CPNE4: variants seen among roughly 807,000 people sequenced by gnomAD.
CPNE4 encodes copine-4.
A neutral mutation model predicts 67.9 loss-of-function variants in CPNE4; 25 were observed. The ratio of observed to expected loss-of-function variants is 0.37; its 90% CI spans 0.27 to 0.51. The LOEUF is 0.51. Ranked by LOEUF, CPNE4 falls within the 20% of genes least tolerant of loss-of-function variation. CPNE4 has a pLI of 0.93. For missense variants in CPNE4, 464 were observed against 690.8 expected (o/e 0.67, Z 3.68); for synonymous variants, 242 against 244.9 (o/e 0.99, Z 0.11).
At chr3:132,009,863 A>C (rs1341967772) in intron 1 of CPNE4, among the ~76,000 whole-genome samples, 1 of 152,206 alleles carries the variant, frequency 6.6e-6, no homozygotes, top group African/African-American at 2.4e-5. Context: ...TATTAGGACC[A>C]AGTAAGTAAA....
chr3:131,674,403 A>G (rs186118249), intron 6 of CPNE4, among the ~76,000 whole-genome samples: 46 of 152,046 alleles, frequency 3.0e-4, no homozygotes, highest in Middle Eastern at 6.8e-3. Context: ...TCTTTTTAAA[A>G]TTCTACCAAT....
intron 14 of CPNE4, among the ~76,000 whole-genome samples, chr3:131,547,474 AAAAAAAAAAAAAAAAAAAAAAAAAAAAC>A (rs1197349355): frequency 4.8e-5 from 6 of 124,092 alleles, no homozygotes; most frequent in South Asian, 2.4e-4. Context: ...AAAAAAAAAA[AAAAAAAAAAAAAAAAAAAAAAAAAAAAC>A]CTAATAGTGT....
At chr3:131,671,459 A>ATGTATGTGTGTG (rs1491205483) in intron 6 of CPNE4, among the ~76,000 whole-genome samples, 63 of 131,362 alleles carry the variant, frequency 4.8e-4, no homozygotes, top group African/African-American at 1.6e-3. Flanking sequence ...GAGTGTACAC[A>ATGTATGTGTGTG]TGTGTGTGTG....
Position 131,575,136 on chromosome 3 carries a change from T to C in CPNE4, c.868-6A>G. ...AAAGAATGCATCTTGTGAATCTGCA[T>C]AGGAGGGGAGAGGAAACTGGGTTAA... On this transcript the variant is annotated splice_polypyrimidine_tract_variant and splice_region_variant and intron_variant, in intron 9 of 15. Coordinates refer to ENST00000429747, the MANE Select transcript of CPNE4 (RefSeq NM_130808.3). 5.0e-6 allele frequency: 8 copies of C among 1,612,100 alleles called. No homozygotes were observed. Among genetic ancestry groups the C allele is most frequent in the Non-Finnish European group, 6.8e-6 (8 of 1,178,566 alleles).
chr3:132,033,902 G>A (rs948748172), intron 1 of CPNE4, among the ~76,000 whole-genome samples: 14 of 152,164 alleles, frequency 9.2e-5, no homozygotes, highest in Non-Finnish European at 2.1e-4. Flanking sequence ...GGTTTCAGTG[G>A]TCCCTCCAGT....
intron 2 of CPNE4, among the ~76,000 whole-genome samples, chr3:131,801,442 GTGTGTGTGTGTATA>G (rs1413195396): frequency 1.3e-4 from 12 of 90,750 alleles, no homozygotes; most frequent in East Asian, 2.9e-4. Flanking sequence ...GTGTGTGTGT[GTGTGTGTGTGTATA>G]TATATATATA....
At chr3:131,955,592 G>A (rs908513014) in intron 1 of CPNE4, among the ~76,000 whole-genome samples, 1 of 151,768 alleles carries the variant, frequency 6.6e-6, no homozygotes, top group Non-Finnish European at 1.5e-5. Flanking sequence ...ATGTATAGAA[G>A]CATTAGATCT....
chr3:131,972,307 C>T (rs2072524699), intron 1 of CPNE4, among the ~76,000 whole-genome samples: 1 of 152,142 alleles, frequency 6.6e-6, no homozygotes, highest in Non-Finnish European at 1.5e-5. Flanking sequence ...GTCTATAGTT[C>T]TCTGCCCGAT....
rs138902910 is a variant in CPNE4, at chr3:131,884,185, T to G, written c.180+21079A>C. On this transcript the variant is annotated intron_variant, in intron 2 of 15. Transcript: ENST00000429747. ...CCTTAGAAAAGTGCCTGGTAAATAA[T>G]AGGAATTCAATAAATGTTTACTGAA... Among the ~76,000 whole-genome samples the G allele has an allele frequency of 4.7e-3, 711 of 152,318 alleles. 8 individuals are homozygous for G. The highest frequency in any genetic ancestry group is 0.015 in the African/African-American group (629 of 41,568).
intron 14 of CPNE4, among the ~76,000 whole-genome samples, chr3:131,545,388 G>A (rs1319564286): frequency 6.6e-6 from 1 of 152,092 alleles, no homozygotes; most frequent in Non-Finnish European, 1.5e-5. Context: ...AAGATTTAAG[G>A]CAGTCTGTAA....
At chr3:131,906,752 C>T (rs995848844) in intron 1 of CPNE4, among the ~76,000 whole-genome samples, 1 of 151,650 alleles carries the variant, frequency 6.6e-6, no homozygotes, top group Non-Finnish European at 1.5e-5. Flanking sequence ...ATTTATAGTC[C>T]TTTGGGTATA....
chr3:131,551,985 TCCTTGG>T (rs1339616178), intron 13 of CPNE4, among the ~76,000 whole-genome samples: 1 of 151,182 alleles, frequency 6.6e-6, no homozygotes, highest in Non-Finnish European at 1.5e-5. Context: ...TGAGGCCATG[TCCTTGG>T]CCGATATGCC....
intron 6 of CPNE4, among the ~76,000 whole-genome samples, chr3:131,672,557 G>GT (rs1207510890): frequency 7.2e-5 from 11 of 151,902 alleles, no homozygotes; most frequent in Admixed American, 4.6e-4. Context: ...TCTCATTGCA[G>GT]TTTTGTTTTG....
chr3:131,599,130 A>G (rs1357011127), intron 7 of CPNE4, among the ~76,000 whole-genome samples: 1 of 152,238 alleles, frequency 6.6e-6, no homozygotes, highest in African/African-American at 2.4e-5. Context: ...TGAGAATTTG[A>G]TCCATAATTT....
chr3:131,962,629 A>G (rs2072216264), intron 1 of CPNE4, among the ~76,000 whole-genome samples: 1 of 152,224 alleles, frequency 6.6e-6, no homozygotes, highest in Non-Finnish European at 1.5e-5. Flanking sequence ...TACTGTTATA[A>G]GAACTTAAAC....
chr3:131,638,460 C>T (rs2079451278), intron 7 of CPNE4, among the ~76,000 whole-genome samples: 1 of 152,110 alleles, frequency 6.6e-6, no homozygotes, highest in Non-Finnish European at 1.5e-5. Flanking sequence ...ACTAGTCCAA[C>T]AGGCAAATAT....
intron 1 of CPNE4, among the ~76,000 whole-genome samples, chr3:131,935,123 C>T (rs141539344): frequency 4.6e-5 from 7 of 152,274 alleles, no homozygotes; most frequent in Middle Eastern, 3.4e-3. Flanking sequence ...TATGAATTGA[C>T]AATGATACCA....
chr3:131,732,207 G>A (rs551623958), intron 2 of CPNE4, among the ~76,000 whole-genome samples: 10 of 152,200 alleles, frequency 6.6e-5, no homozygotes, highest in African/African-American at 1.9e-4. Flanking sequence ...CTGCCATTTT[G>A]ACTGCTGCTT....
At chr3:131,624,082 T>C (rs1940612715) in intron 7 of CPNE4, among the ~76,000 whole-genome samples, 1 of 152,202 alleles carries the variant, frequency 6.6e-6, no homozygotes, top group South Asian at 2.1e-4. Context: ...CTTGCTTTAC[T>C]CACTGCTATT....
Sources: allele counts gnomAD v4.1 joint callset (sites outside exome capture counted in the v4.1 genomes callset), GRCh38; gene constraint gnomAD v4.1.1; transcripts MANE v1.5; gene names NCBI Gene and HGNC (gene_info 2026-07-23, HGNC 2026-07-21).